Variants in GTF2F2 observed in about 807,000 individuals in gnomAD.
GTF2F2 encodes ATP-dependent helicase GTF2F2.
GTF2F2 carries 23 observed loss-of-function variants against 42.2 expected under a neutral mutation model. The observed-to-expected ratio is 0.55, with a 90% confidence interval of 0.39 to 0.77. The LOEUF is 0.77. Among genes scored for constraint, GTF2F2 ranks in the 30% least tolerant of loss-of-function variants. The probability of loss-of-function intolerance (pLI) is 0.00; values close to 1 mark genes in which losing one functional copy is unlikely to be tolerated. For synonymous variants in GTF2F2, 105 were observed against 100.8 expected, an observed-to-expected ratio of 1.04 and a Z score of -0.25; for missense variants, 261 against 287.2, an observed-to-expected ratio of 0.91 and a Z score of 0.66.
chr13:45,227,172 A>AT (rs1197547967), intron 5 of GTF2F2, among the ~76,000 whole-genome samples: 1 of 152,122 alleles, frequency 6.6e-6, no homozygotes, highest in Non-Finnish European at 1.5e-5. Flanking sequence ...TCATTTTTCA[A>AT]TTTTTTCTTT....
At chr13:45,128,684 C>G (rs1265247265) in intron 1 of GTF2F2, among the ~76,000 whole-genome samples, 1 of 152,046 alleles carries the variant, frequency 6.6e-6, no homozygotes, top group East Asian at 1.9e-4. Flanking sequence ...GCCTCCAACT[C>G]CTGGGCTCAA....
chr13:45,261,786 A>C (rs1467376171), intron 6 of GTF2F2, among the ~76,000 whole-genome samples: 1 of 152,228 alleles, frequency 6.6e-6, no homozygotes. Context: ...TCAAAACTGT[A>C]ATCTTCTCCT....
At chr13:45,164,726 GAA>G (rs910218901) in intron 4 of GTF2F2, among the ~76,000 whole-genome samples, 1 of 148,960 alleles carries the variant, frequency 6.7e-6, no homozygotes, top group African/African-American at 2.5e-5. Context: ...ACCCTGTCTG[GAA>G]AAAAAAAATA....
chr13:45,240,412 G>A (rs1323529520), intron 5 of GTF2F2, among the ~76,000 whole-genome samples: 1 of 152,162 alleles, frequency 6.6e-6, no homozygotes, highest in Middle Eastern at 3.2e-3. Flanking sequence ...GTGGCCTGGT[G>A]TAGCTAGTGT....
At chr13:45,253,026 CAT>C (rs1875944733) in intron 6 of GTF2F2, 56 bp downstream of exon 6, 1 of 763,986 alleles carries the variant, frequency 1.3e-6, no homozygotes, top group Admixed American at 3.1e-5. Context: ...TTTTCTGTAT[CAT>C]AGAGTCTTAG....
chr13:45,143,746 T>C (rs1870048605), intron 2 of GTF2F2, among the ~76,000 whole-genome samples: 1 of 152,096 alleles, frequency 6.6e-6, no homozygotes, highest in Non-Finnish European at 1.5e-5. Flanking sequence ...ACGTGCAGCC[T>C]GGAATGCAGC....
chr13:45,207,438 G>A lies in GTF2F2; in HGVS notation c.319G>A (p.Glu107Lys). The A allele has an allele frequency of 6.2e-7, 1 of 1,603,062 alleles. No homozygotes were observed. Residue 107 changes from glutamate to lysine, a missense_variant, in exon 5 of 8, where the codon GAA becomes AAA. Coordinates refer to ENST00000340473, the MANE Select transcript of GTF2F2 (RefSeq NM_004128.3). Reference protein sequence around the residue: ...TESSSDKLSLEGIVVQRAECR... With the variant: ...TESSSDKLSLKGIVVQRAECR... ...TTCCATTCAAGATAAGCTGTCATTG[G>A]AAGGAATAGTGGTACAAAGAGCTGA...
intron 5 of GTF2F2, among the ~76,000 whole-genome samples, chr13:45,214,045 T>G (rs1873798781): frequency 6.6e-6 from 1 of 152,212 alleles, no homozygotes; most frequent in Admixed American, 6.5e-5. Context: ...CTTTAATCAG[T>G]GAGTTTTTAC....
intron 7 of GTF2F2, among the ~76,000 whole-genome samples, chr13:45,279,711 G>T (rs1192162138): frequency 6.6e-6 from 1 of 152,112 alleles, no homozygotes; most frequent in Non-Finnish European, 1.5e-5. Flanking sequence ...TTCAAGACCA[G>T]CCTGGCCAAC....
chr13:45,128,250 G>A, intron 1 of GTF2F2, among the ~76,000 whole-genome samples: 1 of 147,992 alleles, frequency 6.8e-6, no homozygotes. Context: ...GTGAGCCACT[G>A]TGCCCGGCCT....
At chr13:45,163,485 G>A (rs935231883) in intron 4 of GTF2F2, among the ~76,000 whole-genome samples, 2 of 151,880 alleles carry the variant, frequency 1.3e-5, no homozygotes, top group Admixed American at 6.6e-5. Context: ...GCAGTGAGCC[G>A]AGATAGCGCC....
At position 45,207,273 on chromosome 13, in the gene GTF2F2, C is replaced by G. The variant is rs1353174491; in HGVS notation, c.305-151C>G. The stretch of plus-strand genomic sequence containing the variant: ...GCCAAGAATAAGGCTTCTCTCTGTT[C>G]TGACCAGTGAGATTCCTGAAACTTA... On this transcript the variant is annotated intron_variant, in intron 4 of 7. Transcript: ENST00000340473. 7 of 582,594 alleles carry G rather than the reference C, an allele frequency of 1.2e-5. No individual in the cohort carries two copies. The South Asian group carries it at 1.3e-4, about 11-fold the overall frequency. 36.1% of individuals were successfully genotyped at this position (582,594 alleles called of 1,614,324 possible).
intron 4 of GTF2F2, among the ~76,000 whole-genome samples, chr13:45,153,351 G>A (rs757791091): frequency 2.4e-4 from 36 of 151,986 alleles, no homozygotes; most frequent in Non-Finnish European, 3.8e-4. Context: ...ATTACCAATA[G>A]CTACATAAAA....
chr13:45,180,469 T>G (rs925619522), intron 4 of GTF2F2, among the ~76,000 whole-genome samples: 1 of 152,182 alleles, frequency 6.6e-6, no homozygotes, highest in Non-Finnish European at 1.5e-5. Flanking sequence ...TAATATATCT[T>G]CCTCAAAGCA....
At chr13:45,169,682 T>A (rs1381195124) in intron 4 of GTF2F2, among the ~76,000 whole-genome samples, 1 of 152,236 alleles carries the variant, frequency 6.6e-6, no homozygotes, top group Non-Finnish European at 1.5e-5. Flanking sequence ...ATCATAAGTT[T>A]ATACTGTTGA....
intron 2 of GTF2F2, among the ~76,000 whole-genome samples, chr13:45,144,067 C>G (rs913638229): frequency 1.8e-4 from 28 of 151,914 alleles, no homozygotes; most frequent in Non-Finnish European, 2.9e-5. Context: ...GCCTGGCCAA[C>G]GTGGTGAAAC....
At chr13:45,274,664 G>T (rs1876951544) in intron 7 of GTF2F2, among the ~76,000 whole-genome samples, 1 of 152,134 alleles carries the variant, frequency 6.6e-6, no homozygotes, top group Non-Finnish European at 1.5e-5. Context: ...GTTCAGGCCA[G>T]ATGTGTTGGC....
intron 5 of GTF2F2, among the ~76,000 whole-genome samples, chr13:45,216,844 A>G (rs1273469635): frequency 6.6e-6 from 1 of 151,594 alleles, no homozygotes; most frequent in Admixed American, 6.6e-5. Flanking sequence ...TTTTAAGGCT[A>G]TAGAACAGGA....
At chr13:45,183,879 A>G (rs1208886006) in intron 4 of GTF2F2, among the ~76,000 whole-genome samples, 1 of 151,612 alleles carries the variant, frequency 6.6e-6, no homozygotes, top group Non-Finnish European at 1.5e-5. Context: ...TTTTTGAGAC[A>G]GAGTCTTTCT....
Sources: gnomAD v4.1 joint callset for allele counts (sites outside exome capture counted in the v4.1 genomes callset) on GRCh38, gnomAD v4.1.1 for gene constraint, MANE v1.5 for transcripts, NCBI Gene and HGNC (gene_info 2026-07-23, HGNC 2026-07-21) for gene names.